Variants in ITGA1 observed in about 807,000 individuals in gnomAD.
ITGA1 encodes integrin subunit alpha 1.
A neutral mutation model predicts 145.9 loss-of-function variants in ITGA1; 85 were observed. The observed-to-expected ratio is 0.58, with a 90% CI of 0.49 to 0.70. The LOEUF (loss-of-function observed/expected upper bound fraction) is 0.70. Ranked by LOEUF, ITGA1 falls within the 30% of genes least tolerant of loss-of-function variation. The probability of loss-of-function intolerance (pLI) is 0.00; values close to 1 mark genes in which losing one functional copy is unlikely to be tolerated. For synonymous variants in ITGA1, 520 were observed against 495.3 expected (o/e 1.05, Z -0.66); for missense variants, 1,351 against 1,418.7 (o/e 0.95, Z 0.77).
chr5:52,934,027 A>T (rs1417909536), intron 23 of ITGA1, 31 bp downstream of exon 23: 1 of 910,162 alleles, frequency 1.1e-6, no homozygotes, highest in African/African-American at 1.7e-5. Context: ...TAGTATTCTA[A>T]AGGAGTTATT....
In ITGA1 at chr5:52,899,320, T is replaced by A. The variant is rs1189247727; in HGVS notation, c.1309+937T>A. On this transcript the variant is annotated intron_variant, in intron 11 of 28. Transcript: ENST00000282588. ...TATCAGGAAGGTGGCAGGTCTTTAC[T>A]GCGGTGTTTATACATCTCCTTATTG... Among the ~76,000 whole-genome samples, 4 of 152,194 alleles carry A rather than the reference T, an allele frequency of 2.6e-5. No individual in the cohort carries two copies. The East Asian group carries it at 7.7e-4, about 29-fold the overall frequency.
intron 25 of ITGA1, 58 bp from the exon 26 acceptor site, chr5:52,939,782 T>A: frequency 7.2e-7 from 1 of 1,388,240 alleles, no homozygotes; most frequent in South Asian, 1.2e-5. Context: ...AGAATTTAAA[T>A]ATAGATATTT....
chr5:52,925,543 T>A, intron 19 of ITGA1, 56 bp downstream of exon 19: 1 of 1,283,596 alleles, frequency 7.8e-7, no homozygotes, highest in Non-Finnish European at 1.1e-6. Context: ...CCTGGCCTAC[T>A]TTTCATGCTA....
intron 1 of ITGA1, among the ~76,000 whole-genome samples, chr5:52,789,910 T>C (rs960651645): frequency 3.3e-5 from 5 of 152,226 alleles, no homozygotes; most frequent in African/African-American, 1.2e-4. Flanking sequence ...CAAGTTACAA[T>C]TTCATATATA....
At chr5:52,854,732 C>T (rs1749480663) in intron 2 of ITGA1, among the ~76,000 whole-genome samples, 1 of 152,144 alleles carries the variant, frequency 6.6e-6, no homozygotes, top group Non-Finnish European at 1.5e-5. Flanking sequence ...TCAGACACCA[C>T]CTACTCTTCA....
At chr5:52,859,894 A>G (rs141320641) in intron 2 of ITGA1, among the ~76,000 whole-genome samples, 2 of 152,202 alleles carry the variant, frequency 1.3e-5, no homozygotes, top group African/African-American at 2.4e-5. Context: ...CAGGGCATCT[A>G]TTTCCAGCAC....
intron 26 of ITGA1, among the ~76,000 whole-genome samples, chr5:52,943,936 T>C (rs1275893006): frequency 6.6e-6 from 1 of 152,036 alleles, no homozygotes; most frequent in Non-Finnish European, 1.5e-5. Context: ...AGTACTCAGG[T>C]GGGGCGCAGC....
intron 18 of ITGA1, among the ~76,000 whole-genome samples, chr5:52,924,130 C>T (rs1579722810): frequency 6.6e-6 from 1 of 152,138 alleles, no homozygotes; most frequent in East Asian, 1.9e-4. Context: ...TCTTTTTCCC[C>T]ATACACCTAT....
intron 26 of ITGA1, among the ~76,000 whole-genome samples, chr5:52,944,180 C>A (rs913735914): frequency 6.6e-6 from 1 of 152,142 alleles, no homozygotes; most frequent in African/African-American, 2.4e-5. Context: ...ACAAAAGCTC[C>A]TGGGCTCCAT....
intron 28 of ITGA1, among the ~76,000 whole-genome samples, chr5:52,951,806 C>T (rs994619164): frequency 2.6e-5 from 4 of 152,052 alleles, no homozygotes; most frequent in African/African-American, 9.7e-5. Flanking sequence ...AGTTTGTCTC[C>T]CAAAATATTT....
chr5:52,940,549 C>T (rs59811911), intron 26 of ITGA1, among the ~76,000 whole-genome samples: 22,597 of 151,652 alleles, frequency 0.15, 1,706 homozygotes, highest in South Asian at 0.16. Flanking sequence ...GCTGGGACTA[C>T]AGGCGCCCAC....
intron 6 of ITGA1, 38 bp downstream of exon 6, chr5:52,865,855 GA>G (rs1202831584): frequency 3.3e-6 from 5 of 1,504,432 alleles, no homozygotes; most frequent in Non-Finnish European, 4.4e-6. Context: ...TTGTTCTAAA[GA>G]TAAAAATGCA....
chr5:52,940,412 C>CT (rs35106592), intron 26 of ITGA1, among the ~76,000 whole-genome samples: 2,486 of 133,754 alleles, frequency 0.019, 85 homozygotes, highest in East Asian at 0.15. Flanking sequence ...AGCCTTTTTT[C>CT]TTTTTTTTTT....
chr5:52,855,720 G>A (rs1749502314), intron 2 of ITGA1, among the ~76,000 whole-genome samples: 1 of 152,126 alleles, frequency 6.6e-6, no homozygotes, highest in Admixed American at 6.5e-5. Flanking sequence ...TAAACCCTAT[G>A]CTAATACTTT....
Position 52,905,841 on chromosome 5 carries a change from G to A in ITGA1, c.1388G>A (p.Gly463Asp). 6.2e-7 allele frequency: 1 copy of A among 1,613,616 alleles called. No homozygotes were observed. The highest frequency in any genetic ancestry group is 8.5e-7 in the Non-Finnish European group (1 of 1,179,696). ...GGACAGCCTCGGTACAATCATACAG[G>A]CCAGGTCATTATCTACAGGATGGAA... ...IAGQPRYNHT[G>D]QVIIYRMEDG... Residue 463 changes from glycine to aspartate, a missense_variant, in exon 12 of 29, where the codon GGC becomes GAC. Physicochemically the swap from Gly to Asp is moderately conservative, Grantham distance 94 (BLOSUM62 -1). Coordinates refer to ENST00000282588, the MANE Select transcript of ITGA1 (RefSeq NM_181501.2).
At chr5:52,880,880 A>G (rs1045851183) in intron 6 of ITGA1, among the ~76,000 whole-genome samples, 18 of 152,210 alleles carry the variant, frequency 1.2e-4, no homozygotes, top group Admixed American at 6.5e-5. Flanking sequence ...TTATTGGTTC[A>G]CATCAACCTT....
At chr5:52,862,069 T>C (rs1749614309) in intron 3 of ITGA1, among the ~76,000 whole-genome samples, 1 of 151,476 alleles carries the variant, frequency 6.6e-6, no homozygotes, top group African/African-American at 2.4e-5. Context: ...AATACAAAAT[T>C]AAGCTGGGCA....
At chr5:52,825,688 C>T (rs989576929) in intron 1 of ITGA1, among the ~76,000 whole-genome samples, 1 of 152,062 alleles carries the variant, frequency 6.6e-6, no homozygotes, top group Non-Finnish European at 1.5e-5. Context: ...GGAAGGCCAA[C>T]ACAGGCAGAT....
chr5:52,916,973 T>C (rs887006090), intron 15 of ITGA1, among the ~76,000 whole-genome samples: 1 of 152,182 alleles, frequency 6.6e-6, no homozygotes, highest in Non-Finnish European at 1.5e-5. Context: ...AAAATGATAG[T>C]CATTTCCCTA....
Sources: gnomAD v4.1 joint callset for allele counts (sites outside exome capture counted in the v4.1 genomes callset) on GRCh38, gnomAD v4.1.1 for gene constraint, MANE v1.5 for transcripts, NCBI Gene and HGNC (gene_info 2026-07-23, HGNC 2026-07-21) for gene names.